The following ZFTRAF1 variants were observed in gnomAD, a reference collection of about 807,000 sequenced individuals.
ZFTRAF1 encodes zinc finger TRAF-type and ring finger containing 1.
At chr8:144,451,949 G>A in the ZFTRAF1 span, 1 of 287,174 alleles carries the variant, frequency 3.5e-6, no homozygotes, top group South Asian at 3.5e-5. Flanking sequence ...ACCTCACTCG[G>A]CAGGGTGCTC....
At chr8:144,460,918 G>A in the ZFTRAF1 span, among the ~76,000 whole-genome samples, 2 of 152,308 alleles carry the variant, frequency 1.3e-5, no homozygotes, top group African/African-American at 2.4e-5. Flanking sequence ...TGGGAGGATC[G>A]AAGGTTGTGA....
chr8:144,457,341 G>A, the ZFTRAF1 span: 2 of 152,184 alleles, frequency 1.3e-5, no homozygotes, highest in Non-Finnish European at 2.9e-5. Context: ...GTTTCCTCAT[G>A]TGCACAGGTG....
At chr8:144,451,126 T>A in the ZFTRAF1 span, 1 of 238,054 alleles carries the variant, frequency 4.2e-6, no homozygotes, top group Non-Finnish European at 8.3e-6. Context: ...AGGATGCGGT[T>A]CCGAGAACAA....
the ZFTRAF1 span, chr8:144,453,212 C>T: frequency 9.0e-6 from 14 of 1,549,794 alleles, no homozygotes; most frequent in East Asian, 1.5e-4. Flanking sequence ...AGCCCCTGAC[C>T]CTCAGTTACC....
the ZFTRAF1 span, among the ~76,000 whole-genome samples, chr8:144,461,602 G>A: frequency 1.3e-5 from 2 of 152,206 alleles, no homozygotes; most frequent in Non-Finnish European, 2.9e-5. Flanking sequence ...GGAGCCTAGC[G>A]TGGGGCATGG....
chr8:144,459,147 C>T, the ZFTRAF1 span, among the ~76,000 whole-genome samples: 3 of 152,348 alleles, frequency 2.0e-5, no homozygotes, highest in East Asian at 5.8e-4. Context: ...TCCCGGGCAC[C>T]GCTGAGGCTG....
At chr8:144,450,120 G>A in the ZFTRAF1 span, 15 of 476,738 alleles carry the variant, frequency 3.1e-5, no homozygotes, top group South Asian at 2.2e-4. Context: ...GCCTCGGGGC[G>A]CCTGGTGCAC....
the ZFTRAF1 span, chr8:144,462,383 G>A: frequency 4.3e-6 from 2 of 466,374 alleles, no homozygotes; most frequent in South Asian, 3.4e-5. Context: ...CGCCGCCGCC[G>A]CCGCCGCCTC....
the ZFTRAF1 span, chr8:144,452,614 G>C: frequency 4.0e-6 from 6 of 1,509,938 alleles, no homozygotes; most frequent in Non-Finnish European, 5.3e-6. Flanking sequence ...GCCCCGAACA[G>C]GAGGCTGCAA....
At chr8:144,455,358 T>G in the ZFTRAF1 span, 1 of 152,198 alleles carries the variant, frequency 6.6e-6, no homozygotes, top group Admixed American at 6.5e-5. Flanking sequence ...CACAGTTGCC[T>G]GAGGCAGGGA....
the ZFTRAF1 span, chr8:144,462,670 C>G: frequency 6.9e-6 from 1 of 144,376 alleles, no homozygotes; most frequent in Middle Eastern, 3.8e-3. Flanking sequence ...CCGGCCGGCC[C>G]GGCGGGCGGA....
chr8:144,453,591 G>C, the ZFTRAF1 span: 9 of 762,822 alleles, frequency 1.2e-5, no homozygotes, highest in Non-Finnish European at 1.9e-5. Context: ...GCACGTGCCT[G>C]TCCCGAGTCG....
At chr8:144,450,201 A>G in the ZFTRAF1 span, 1 of 580,386 alleles carries the variant, frequency 1.7e-6, no homozygotes, top group Non-Finnish European at 3.1e-6. Context: ...CGGGGGGGTG[A>G]GCCGGAGGCG....
the ZFTRAF1 span, chr8:144,462,810 C>G: frequency 1.3e-5 from 2 of 152,060 alleles, no homozygotes; most frequent in African/African-American, 4.8e-5. Context: ...CGCGCGTAGC[C>G]CCACAGCCGC....
the ZFTRAF1 span, chr8:144,452,419 C>A: frequency 6.5e-7 from 1 of 1,550,224 alleles, no homozygotes; most frequent in Non-Finnish European, 8.7e-7. Context: ...AGCTGCATCT[C>A]CTTGCGGTGG....
chr8:144,460,987 C>T, the ZFTRAF1 span, among the ~76,000 whole-genome samples: 8 of 152,196 alleles, frequency 5.3e-5, no homozygotes, highest in Non-Finnish European at 8.8e-5. Flanking sequence ...CTGCCAAAGC[C>T]AAGGAGTAAC....
the ZFTRAF1 span, chr8:144,452,290 C>A: frequency 1.3e-6 from 2 of 1,507,510 alleles, no homozygotes; most frequent in Non-Finnish European, 1.8e-6. Flanking sequence ...CCTGCTGCCC[C>A]CAGACTCCTG....
At chr8:144,458,102 C>A in the ZFTRAF1 span, among the ~76,000 whole-genome samples, 62 of 152,364 alleles carry the variant, frequency 4.1e-4, no homozygotes, top group East Asian at 7.3e-3. Context: ...CCTAACCTCC[C>A]GAATCAAACA....
the ZFTRAF1 span, among the ~76,000 whole-genome samples, chr8:144,460,815 CGGA>C: frequency 6.6e-6 from 1 of 152,128 alleles, no homozygotes; most frequent in East Asian, 1.9e-4. Context: ...ACTCGGGAGG[CGGA>C]GGTTGCAGTG....
Sources: gnomAD v4.1 joint callset for allele counts (sites outside exome capture counted in the v4.1 genomes callset) on GRCh38, gnomAD v4.1.1 for gene constraint, MANE v1.5 for transcripts, NCBI Gene and HGNC (gene_info 2026-07-23, HGNC 2026-07-21) for gene names.